Variants in EIF2AK4 observed in about 807,000 individuals in gnomAD.
The protein encoded by EIF2AK4 is eIF-2-alpha kinase GCN2.
Under a neutral mutation model 211.1 loss-of-function variants are expected in EIF2AK4, and 139 were observed. The observed-to-expected ratio is 0.66, with a 90% CI of 0.57 to 0.76. The LOEUF (loss-of-function observed/expected upper bound fraction) is 0.76. EIF2AK4 is among the 30% of genes least tolerant of loss of function. EIF2AK4 has a pLI of 0.00. For missense variants in EIF2AK4, 1,664 were observed against 2,043.8 expected, an observed-to-expected ratio of 0.81 and a Z score of 3.58; for synonymous variants, 710 against 751.3, an observed-to-expected ratio of 0.94 and a Z score of 0.90.
intron 36 of EIF2AK4, among the ~76,000 whole-genome samples, 182 bp from the exon 37 acceptor site, chr15:40,032,575 A>G (rs2035558071): frequency 6.6e-6 from 1 of 152,132 alleles, no homozygotes; most frequent in Non-Finnish European, 1.5e-5. Flanking sequence ...TACAGTTTCC[A>G]CTGCTTATTA....
intron 13 of EIF2AK4, among the ~76,000 whole-genome samples, chr15:39,983,116 G>A (rs2034816969): frequency 6.6e-6 from 1 of 152,178 alleles, no homozygotes; most frequent in African/African-American, 2.4e-5. Flanking sequence ...TTGAGGAATT[G>A]CCACACTGTC....
intron 3 of EIF2AK4, among the ~76,000 whole-genome samples, chr15:39,944,729 G>A (rs775788197): frequency 6.6e-6 from 1 of 151,918 alleles, no homozygotes; most frequent in South Asian, 2.1e-4. Flanking sequence ...CACCGCACCC[G>A]GCCAACGATC....
intron 14 of EIF2AK4, among the ~76,000 whole-genome samples, chr15:39,987,701 A>G (rs1444752833): frequency 2.0e-5 from 3 of 152,200 alleles, no homozygotes; most frequent in African/African-American, 7.2e-5. Flanking sequence ...TCAGTTTTTT[A>G]TGTTAATTGT....
intron 18 of EIF2AK4, 103 bp from the exon 19 acceptor site, chr15:39,996,861 T>C: frequency 2.5e-6 from 2 of 799,422 alleles, no homozygotes; most frequent in Non-Finnish European, 4.3e-6. Context: ...TGTTTTGTAC[T>C]CCTACAAACT....
chr15:39,976,521 G>A lies in EIF2AK4; in HGVS notation c.1926G>A (p.Arg642=), dbSNP rs1446337110. The A allele has an allele frequency of 6.2e-7, 1 of 1,612,800 alleles. No individual in the cohort carries two copies. The highest frequency in any genetic ancestry group is 1.7e-5 in the Admixed American group (1 of 59,940). ...RIKGEVTLLS[R]LHHENIVRYY... ...AGGGCGAAGTGACACTGCTGTCACG[G>A]CTGCACCATGAGAACATTGTGCGCT... The change falls in exon 12 of 39, where the codon CGG becomes CGA. Residue 642 remains arginine, a synonymous_variant. Coordinates refer to ENST00000263791, the MANE Select transcript of EIF2AK4 (RefSeq NM_001013703.4).
At chr15:39,968,757 G>A (rs979501509) in intron 9 of EIF2AK4, among the ~76,000 whole-genome samples, 2 of 151,632 alleles carry the variant, frequency 1.3e-5, no homozygotes, top group Non-Finnish European at 2.9e-5. Context: ...TCCACCTATC[G>A]CAGTAGCCAG....
chr15:39,943,111 G>A (rs2140898323), intron 2 of EIF2AK4, among the ~76,000 whole-genome samples: 1 of 152,244 alleles, frequency 6.6e-6, no homozygotes, highest in South Asian at 2.1e-4. Context: ...TTGATGTTGG[G>A]AAATTTTAAT....
At chr15:39,960,976 C>T (rs929683021) in intron 6 of EIF2AK4, among the ~76,000 whole-genome samples, 4 of 152,150 alleles carry the variant, frequency 2.6e-5, no homozygotes, top group African/African-American at 7.2e-5. Flanking sequence ...TGCACGTCAT[C>T]GAAGTGTTTC....
chr15:40,006,861 T>C (rs1165492111), intron 23 of EIF2AK4, among the ~76,000 whole-genome samples, 155 bp from the exon 24 acceptor site: 2 of 152,120 alleles, frequency 1.3e-5, no homozygotes, highest in East Asian at 3.9e-4. Context: ...GTGTGAGTGG[T>C]GAGCAGTGCA....
chr15:39,973,988 A>G, intron 11 of EIF2AK4: 3 of 372,682 alleles, frequency 8.0e-6, no homozygotes, highest in Non-Finnish European at 9.6e-6. Context: ...CATGAAACAC[A>G]CATGGTTATA....
intron 26 of EIF2AK4, among the ~76,000 whole-genome samples, chr15:40,010,061 A>T (rs949795029): frequency 1.3e-5 from 2 of 152,224 alleles, no homozygotes; most frequent in Non-Finnish European, 2.9e-5. Flanking sequence ...TATTAAGGCA[A>T]ATCACTAAGT....
chr15:40,034,276 C>G (rs1370348602), intron 37 of EIF2AK4, 50 bp from the exon 38 acceptor site: 5 of 1,453,334 alleles, frequency 3.4e-6, no homozygotes, highest in Non-Finnish European at 4.8e-6. Flanking sequence ...AAAAAACCAG[C>G]TAGTAAACCC....
chr15:39,992,496 A>G (rs998292936), intron 17 of EIF2AK4: 1 of 549,482 alleles, frequency 1.8e-6, no homozygotes. Context: ...TCCATTGGTA[A>G]TGTGAGGTTA....
intron 1 of EIF2AK4, among the ~76,000 whole-genome samples, chr15:39,938,261 G>A (rs1040449026): frequency 6.6e-6 from 1 of 152,238 alleles, no homozygotes; most frequent in African/African-American, 2.4e-5. Context: ...TGATGGATGT[G>A]TGATGGGTGA....
At chr15:40,023,916 G>A (rs2035427639) in intron 32 of EIF2AK4, among the ~76,000 whole-genome samples, 1 of 152,122 alleles carries the variant, frequency 6.6e-6, no homozygotes, top group South Asian at 2.1e-4. Flanking sequence ...CCCATAGCCT[G>A]CTTTTATATG....
Position 40,019,157 on chromosome 15 carries a change from C to T in EIF2AK4, c.4130C>T (p.Ala1377Val). The change falls in exon 30 of 39, where the codon GCT (alanine) becomes GTT (valine). Residue 1377 changes from alanine to valine, a missense_variant. By Grantham distance (64) the Ala-to-Val change is moderately conservative. Around this residue, in one of 7 missense-constraint regions of EIF2AK4, gnomAD observed 622 missense variants for 796.8 expected, o/e 0.78. Coordinates refer to ENST00000263791, the MANE Select transcript of EIF2AK4 (RefSeq NM_001013703.4). ...PVPTAIGVSI[A>V]IDKISAAVLN... ...CCCACTGCCATTGGGGTCAGCATAG[C>T]TATAGACAAGATATCTGCTGCTGTC... The T allele has an allele frequency of 6.2e-7, 1 of 1,604,778 alleles. No individual in the cohort carries two copies. Among genetic ancestry groups the T allele is most frequent in the Admixed American group, 1.7e-5 (1 of 58,828 alleles).
intron 5 of EIF2AK4, among the ~76,000 whole-genome samples, chr15:39,954,954 TC>T (rs1304218576): frequency 6.6e-6 from 1 of 152,230 alleles, no homozygotes; most frequent in Non-Finnish European, 1.5e-5. Flanking sequence ...TCTTTACTTG[TC>T]CCTTAAAATG....
chr15:39,957,565 A>G lies in EIF2AK4; in HGVS notation c.743+1797A>G, dbSNP rs503775. On this transcript the variant is annotated intron_variant, in intron 6 of 38. Coordinates refer to ENST00000263791, the MANE Select transcript of EIF2AK4 (RefSeq NM_001013703.4). ...TCCCTGCTTTGTCCCTTGCTCTCCA[A>G]TTCTCTGCTTTATTTTTTACATAAC... is the stretch of plus-strand genomic sequence containing the variant. Among the ~76,000 whole-genome samples the G allele has an allele frequency of 9.0e-3, 1,362 of 152,106 alleles. 20 individuals carry two copies. Among genetic ancestry groups the G allele is most frequent in the African/African-American group, 0.032 (1,312 of 41,478 alleles).
intron 1 of EIF2AK4, among the ~76,000 whole-genome samples, chr15:39,938,553 C>G (rs2034100173): frequency 6.6e-6 from 1 of 152,010 alleles, no homozygotes; most frequent in Non-Finnish European, 1.5e-5. Flanking sequence ...CTGATGATAC[C>G]ACGTTTCTCT....
Sources: allele counts gnomAD v4.1 joint callset (sites outside exome capture counted in the v4.1 genomes callset), GRCh38; gene constraint gnomAD v4.1.1; regional missense constraint gnomAD v4.1.1; transcripts MANE v1.5; gene names NCBI Gene and HGNC (gene_info 2026-07-23, HGNC 2026-07-21).